Variants in RBFOX1 observed in about 807,000 individuals in gnomAD.
The protein encoded by RBFOX1 is RNA binding fox-1 homolog 1.
A neutral mutation model predicts 57.7 loss-of-function variants in RBFOX1; 8 were observed. That is an observed-to-expected ratio of 0.14 (90% CI 0.08 to 0.25). The LOEUF (loss-of-function observed/expected upper bound fraction) is 0.25. RBFOX1 is among the 10% of genes least tolerant of loss of function. RBFOX1 has a pLI of 1.00. For synonymous variants in RBFOX1, 326 were observed against 222.4 expected, an observed-to-expected ratio of 1.47 and a Z score of -4.15; for missense variants, 611 against 548.5, an observed-to-expected ratio of 1.11 and a Z score of -1.14.
intron 1 of RBFOX1, among the ~76,000 whole-genome samples, chr16:5,392,583 G>A (rs2066443379): frequency 6.7e-6 from 1 of 150,248 alleles, no homozygotes; most frequent in South Asian, 2.1e-4. Context: ...GTGTCACCCA[G>A]GCTGGAGTGC....
chr16:5,565,636 A>G (rs12598517), intron 2 of RBFOX1, among the ~76,000 whole-genome samples: 1 of 131,882 alleles, frequency 7.6e-6, no homozygotes, highest in African/African-American at 3.4e-5. Flanking sequence ...ACATAAATAA[A>G]TAAATAAATA....
intron 3 of RBFOX1, among the ~76,000 whole-genome samples, chr16:5,720,314 G>A (rs1361974134): frequency 1.7e-4 from 26 of 152,092 alleles, no homozygotes; most frequent in Admixed American, 1.6e-3. Flanking sequence ...TATATGTTGT[G>A]GATCCTAGTC....
At chr16:7,367,701 C>T (rs1448069797) in intron 4 of RBFOX1, among the ~76,000 whole-genome samples, 1 of 152,138 alleles carries the variant, frequency 6.6e-6, no homozygotes, top group Admixed American at 6.6e-5. Flanking sequence ...TCTGTTCTAT[C>T]TAAAGGAGGC....
intron 3 of RBFOX1, among the ~76,000 whole-genome samples, chr16:6,844,660 C>T (rs934548403): frequency 2.0e-5 from 3 of 152,048 alleles, no homozygotes; most frequent in African/African-American, 7.2e-5. Context: ...TGTGCACATA[C>T]CTTTATAAAA....
At chr16:7,310,327 G>A (rs760490847) in intron 4 of RBFOX1, among the ~76,000 whole-genome samples, 1 of 152,196 alleles carries the variant, frequency 6.6e-6, no homozygotes, top group African/African-American at 2.4e-5. Context: ...TGGGGAAAGA[G>A]GCTTTTCATG....
At chr16:7,173,658 A>G (rs1476196994) in intron 4 of RBFOX1, among the ~76,000 whole-genome samples, 1 of 152,204 alleles carries the variant, frequency 6.6e-6, no homozygotes, top group Non-Finnish European at 1.5e-5. Context: ...GTGGTAATTA[A>G]GACTGAGAAT....
intron 3 of RBFOX1, among the ~76,000 whole-genome samples, chr16:6,984,459 A>C (rs987805202): frequency 6.6e-6 from 1 of 152,098 alleles, no homozygotes; most frequent in African/African-American, 2.4e-5. Flanking sequence ...ATATATCCCT[A>C]TGGATGAAGC....
intron 3 of RBFOX1, among the ~76,000 whole-genome samples, chr16:5,856,202 TATATAC>T (rs1376368831): frequency 1.3e-4 from 6 of 45,234 alleles, no homozygotes; most frequent in African/African-American, 3.3e-4. Flanking sequence ...TATATATATA[TATATAC>T]ATATATATGT....
At chr16:7,236,553 T>C (rs2093777456) in intron 4 of RBFOX1, among the ~76,000 whole-genome samples, 1 of 152,192 alleles carries the variant, frequency 6.6e-6, no homozygotes, top group Non-Finnish European at 1.5e-5. Context: ...GTTTTGGTAA[T>C]TACTGTCAGA....
intron 2 of RBFOX1, among the ~76,000 whole-genome samples, chr16:6,518,817 A>ATCTG (rs1171966195): frequency 9.0e-6 from 1 of 111,528 alleles, no homozygotes; most frequent in South Asian, 2.8e-4. Flanking sequence ...CTATCTATCT[A>ATCTG]TCTATCTATC....
rs1442792221 is a variant in RBFOX1 at position 6,977,017 on chromosome 16, TATC to T, written c.-15-75037_-15-75035del. 1.3e-4 allele frequency among the ~76,000 whole-genome samples: 19 copies of T among 143,950 alleles called. 1 individual carries two copies. The South Asian group carries it at 2.8e-3, about 21-fold the overall frequency. The allele number at this position is 143,950 out of a possible 152,430, so 94.4% of individuals were successfully genotyped here. On this transcript the variant is annotated intron_variant, in intron 3 of 15. Coordinates refer to ENST00000550418, the MANE Select transcript of RBFOX1 (RefSeq NM_018723.4). ...CATGCCATATATTGTATATCATATG[TATC>T]ATGTATCATATATATCATATATATC...
At chr16:5,437,168 G>A (rs2067943018) in intron 1 of RBFOX1, among the ~76,000 whole-genome samples, 1 of 152,136 alleles carries the variant, frequency 6.6e-6, no homozygotes, top group African/African-American at 2.4e-5. Flanking sequence ...GGTGACAAAA[G>A]GAAATTGAGG....
chr16:5,245,697 G>T (rs1258681115), intron 1 of RBFOX1, among the ~76,000 whole-genome samples: 1 of 152,142 alleles, frequency 6.6e-6, no homozygotes, highest in Non-Finnish European at 1.5e-5. Context: ...CTCCCAAAGT[G>T]CTGGGATTAT....
intron 1 of RBFOX1, among the ~76,000 whole-genome samples, chr16:6,067,280 G>C (rs2095778326): frequency 6.6e-6 from 1 of 152,018 alleles, no homozygotes; most frequent in African/African-American, 2.4e-5. Context: ...TTTCGTTCTG[G>C]GGCTGTACTC....
intron 2 of RBFOX1, among the ~76,000 whole-genome samples, chr16:5,516,565 T>A (rs576468536): frequency 2.6e-5 from 4 of 152,302 alleles, no homozygotes; most frequent in Admixed American, 2.0e-4. Context: ...TTCAAGACAG[T>A]GATTCTTTTT....
At chr16:6,692,517 C>T (rs1326040666) in intron 3 of RBFOX1, among the ~76,000 whole-genome samples, 5 of 152,140 alleles carry the variant, frequency 3.3e-5, no homozygotes, top group African/African-American at 9.7e-5. Flanking sequence ...CAGCATGTGT[C>T]GGCCTCCTGG....
intron 1 of RBFOX1, among the ~76,000 whole-genome samples, chr16:6,204,772 A>C (rs1201433487): frequency 2.0e-5 from 3 of 152,168 alleles, no homozygotes; most frequent in Admixed American, 2.0e-4. Flanking sequence ...GACCTTATTG[A>C]CAATGGATGC....
chr16:5,922,888 C>G lies in RBFOX1; in HGVS notation c.351+55553C>G, dbSNP rs529836491. 7.9e-5 allele frequency among the ~76,000 whole-genome samples: 12 copies of G among 152,336 alleles called. No homozygotes were observed. The South Asian group carries it at 1.7e-3, about 21-fold the overall frequency. ...TTGCAACCACTGGGCTTGGCAGACA[C>G]CAGCACTTTGCCTTTTTTCCTGGAT... is the stretch of plus-strand genomic sequence containing the variant. On this transcript the variant is annotated intron_variant, in intron 4 of 19. Transcript: ENST00000641259.
chr16:6,795,285 C>T (rs556874184), intron 3 of RBFOX1, among the ~76,000 whole-genome samples: 1 of 152,138 alleles, frequency 6.6e-6, no homozygotes, highest in African/African-American at 2.4e-5. Flanking sequence ...TAGAAGGGGC[C>T]TTGAGAGCTC....
Sources: gnomAD v4.1 joint callset for allele counts (sites outside exome capture counted in the v4.1 genomes callset) on GRCh38, gnomAD v4.1.1 for gene constraint, MANE v1.5 for transcripts, NCBI Gene and HGNC (gene_info 2026-07-23, HGNC 2026-07-21) for gene names.